The following MUC5AC variants were observed in gnomAD, a reference collection of about 807,000 sequenced individuals.
The protein encoded by MUC5AC is mucin 5AC, oligomeric mucus/gel-forming, also known as mucin-5AC.
A neutral mutation model predicts 169.7 loss-of-function variants in MUC5AC; 158 were observed. The observed-to-expected ratio is 0.93, with a 90% CI of 0.82 to 1.06. The LOEUF (loss-of-function observed/expected upper bound fraction) is 1.06. MUC5AC is among the 50% of genes least tolerant of loss of function. The pLI is 0.00. For missense variants in MUC5AC, 4,359 were observed against 3,089.9 expected (o/e 1.41, Z -9.74); for synonymous variants, 1,975 against 1,237.0 (o/e 1.60, Z -12.52).
At chr11:1,164,930 C>G (rs1315812313) in intron 9 of MUC5AC, among the ~76,000 whole-genome samples, 1 of 114,460 alleles carries the variant, frequency 8.7e-6, no homozygotes, top group Non-Finnish European at 1.7e-5. Context: ...CTGTCCTGAG[C>G]CCCCTGAGGC....
chr11:1,179,339 C>A (rs944849976), intron 26 of MUC5AC, 91 bp downstream of exon 26: 2 of 452,376 alleles, frequency 4.4e-6, no homozygotes, highest in Non-Finnish European at 7.9e-6. Context: ...GTGTGTGGGG[C>A]GGGTGGGGAA....
At chr11:1,162,705 C>T in intron 5 of MUC5AC, 59 bp downstream of exon 5, 2 of 1,488,526 alleles carry the variant, frequency 1.3e-6, no homozygotes, top group Non-Finnish European at 1.9e-6. Context: ...CCGGCCTGCT[C>T]CCACAGCCTC....
In MUC5AC at chr11:1,190,646, C is replaced by G. The variant is rs1325350083; in HGVS notation, c.12501C>G (p.Thr4167=). 1.4e-6 allele frequency: 1 copy of G among 693,982 alleles called. No homozygotes were observed. The highest frequency in any genetic ancestry group is 1.8e-5 in the African/African-American group (1 of 57,034). 43.0% of individuals were successfully genotyped at this position (693,982 alleles called of 1,614,324 possible). Residue 4167 remains threonine (T), a synonymous_variant, in exon 31 of 49, where the codon ACC becomes ACG. Coordinates refer to ENST00000621226, the MANE Select transcript of MUC5AC (RefSeq NM_001304359.2). ...PTTSTTSAPT[T]STNSAPTTST... ...CCAGCACAACCTCTGCTCCAACAACCAGCACAAACTCTGCTCCTACAACCA... is the reference window on the plus strand; with the variant it reads ...CCAGCACAACCTCTGCTCCAACAACGAGCACAAACTCTGCTCCTACAACCA...
Position 1,189,655 on chromosome 11 carries a change from C to T in MUC5AC, c.11510C>T (p.Thr3837Ile). ...PTTSTTSAPT[T>I]STTSAPTTST... ...ACTAGCACAACCTCAGCTCCTACAA[C>T]CAGCACAACTTCTGCCCCTACAACC... Residue 3837 changes from threonine to isoleucine, a missense_variant, in exon 31 of 49, where the codon ACC (threonine) becomes ATC (isoleucine). Coordinates refer to ENST00000621226, the MANE Select transcript of MUC5AC (RefSeq NM_001304359.2). 1 of 630,608 alleles carries T rather than the reference C, an allele frequency of 1.6e-6. No homozygotes were observed. The highest frequency in any genetic ancestry group is 2.8e-6 in the Non-Finnish European group (1 of 353,048). The allele number at this position is 630,608 out of a possible 1,614,324, so 39.1% of individuals were successfully genotyped here. A position where few individuals can be genotyped will look rare whatever the true frequency, so the allele number is the denominator to read the frequency against.
chr11:1,162,816 C>A, intron 5 of MUC5AC, 139 bp from the exon 6 acceptor site: 1 of 1,011,666 alleles, frequency 9.9e-7, no homozygotes, highest in Non-Finnish European at 1.5e-6. Context: ...GTCCCGGGGT[C>A]TGTGCCCCCA....
rs982681901 is a variant in MUC5AC at position 1,194,358 on chromosome 11, G to A, written c.15004G>A (p.Glu5002Lys). The change falls in exon 34 of 49, where the codon GAG (glutamate) becomes AAG (lysine). Residue 5002 changes from glutamate to lysine, a missense_variant and splice_region_variant. Transcript: ENST00000621226. ...RKPVHGVMTN[E>K]IIFNNKVVSP... The stretch of plus-strand genomic sequence containing the variant: ...GCCAGTCCACGGGGTGATGACAAAC[G>A]AGGTGGGGGCGCGCCCGGTGTGCCG... The A allele has an allele frequency of 2.1e-5, 15 of 725,250 alleles. No individual in the cohort carries two copies. Among genetic ancestry groups the A allele is most frequent in the African/African-American group, 8.6e-5 (5 of 58,182 alleles). The allele number at this position is 725,250 out of a possible 1,614,324, so 44.9% of individuals were successfully genotyped here.
intron 24 of MUC5AC, 129 bp downstream of exon 24, chr11:1,177,762 A>T: frequency 8.3e-6 from 3 of 361,034 alleles, no homozygotes; most frequent in African/African-American, 2.1e-5. Flanking sequence ...CGGGGTGGGA[A>T]GTGGGGGGGA....
intron 19 of MUC5AC, 124 bp from the exon 20 acceptor site, chr11:1,176,027 C>A (rs1860677125): frequency 1.5e-5 from 6 of 398,140 alleles, no homozygotes; most frequent in Non-Finnish European, 2.7e-5. Flanking sequence ...TGCACTCACA[C>A]CCACTCATGC....
Position 1,199,293 on chromosome 11 carries a change from G to A in MUC5AC, c.16396-78G>A. ...TCTGGCAGAGGCTGGGGACTCTCTG[G>A]AAGCCCACGGGCTGGGGTGCAGACA... On this transcript the variant is annotated intron_variant, in intron 45 of 48. Transcript: ENST00000621226. 7.2e-6 allele frequency: 5 copies of A among 698,388 alleles called. No homozygotes were observed. In the South Asian group the frequency reaches 7.4e-5, roughly 10 times the overall value. The allele number at this position is 698,388 out of a possible 1,614,324, so 43.3% of individuals were successfully genotyped here.
rs1426738867 is a variant in MUC5AC at position 1,179,105 on chromosome 11, G to A, written c.3341G>A (p.Arg1114Lys). The change falls in exon 26 of 49, where the codon AGG (arginine) becomes AAG (lysine). Residue 1114 changes from arginine to lysine, a missense_variant. Coordinates refer to ENST00000621226, the MANE Select transcript of MUC5AC (RefSeq NM_001304359.2). ...AACHAHVEPA[R>K]YYEACVNDAC... ...CGTCTCCCTCAGGTGGAGCCGGCCA[G>A]GTACTACGAGGCCTGCGTGAACGAC... 1 of 585,866 alleles carries A rather than the reference G, an allele frequency of 1.7e-6. No individual in the cohort carries two copies. The highest frequency in any genetic ancestry group is 3.1e-6 in the Non-Finnish European group (1 of 321,394). The allele number at this position is 585,866 out of a possible 1,614,324, so 36.3% of individuals were successfully genotyped here. A position where few individuals can be genotyped will look rare whatever the true frequency, so the allele number is the denominator to read the frequency against.
chr11:1,163,338 C>A (rs915905647), intron 6 of MUC5AC, among the ~76,000 whole-genome samples: 2 of 152,346 alleles, frequency 1.3e-5, no homozygotes, highest in African/African-American at 4.8e-5. Context: ...CTGCCTCCTT[C>A]TTGGTCTTTG....
In MUC5AC at chr11:1,201,072, T is replaced by TAG. The variant is rs1160710841; in HGVS notation, c.*370_*371insAG. 9.7e-6 allele frequency: 2 copies of TAG among 205,750 alleles called. No individual in the cohort carries two copies. Among genetic ancestry groups the TAG allele is most frequent in the Non-Finnish European group, 1.9e-5 (2 of 102,864 alleles). The allele number at this position is 205,750 out of a possible 1,614,324, so 12.7% of individuals were successfully genotyped here. ...AAGAACCTCACTCCTACCTCAGCCC[T>TAG]CAGCCTGCGCTCCCCTCCTCAGTAC... On this transcript the variant is annotated 3_prime_UTR_variant, in exon 49 of 49. Coordinates refer to ENST00000621226, the MANE Select transcript of MUC5AC (RefSeq NM_001304359.2).
intron 46 of MUC5AC, 67 bp downstream of exon 46, chr11:1,199,557 A>G (rs1290297871): frequency 2.9e-6 from 2 of 697,314 alleles, no homozygotes; most frequent in Non-Finnish European, 5.2e-6. Flanking sequence ...GGGGGCTGTG[A>G]TCATCCCTGC....
Position 1,164,537 on chromosome 11 carries a change from G to A in MUC5AC, c.1129+5G>A. ...CCGGCTGCTTCTGCCCTGAGGGTGAGGCTCCCCCGCCCCTGGGAAACACAG... is the reference window on the plus strand; with the variant it reads ...CCGGCTGCTTCTGCCCTGAGGGTGAAGCTCCCCCGCCCCTGGGAAACACAG... On this transcript the variant is annotated splice_donor_5th_base_variant and intron_variant, in intron 9 of 48. Transcript: ENST00000621226. 2.5e-6 allele frequency: 4 copies of A among 1,604,126 alleles called. No individual in the cohort carries two copies. The highest frequency in any genetic ancestry group is 3.4e-6 in the Non-Finnish European group (4 of 1,175,922).
chr11:1,200,108 G>C (rs1262683973), intron 48 of MUC5AC, 139 bp downstream of exon 48: 1 of 610,570 alleles, frequency 1.6e-6, no homozygotes, highest in African/African-American at 1.9e-5. Flanking sequence ...AGGCGGGAAA[G>C]GGGTCCTGAG....
chr11:1,198,932 G>GC lies in MUC5AC; in HGVS notation c.16238dup (p.Ser5414IlefsTer9), dbSNP rs1479326177. 5 of 761,854 alleles carry GC rather than the reference G, an allele frequency of 6.6e-6. No individual in the cohort carries two copies. The highest frequency in any genetic ancestry group is 1.2e-5 in the Non-Finnish European group (5 of 416,714). 47.2% of individuals were successfully genotyped at this position (761,854 alleles called of 1,614,324 possible). A position where few individuals can be genotyped will look rare whatever the true frequency, so the allele number is the denominator to read the frequency against. On this transcript the variant is annotated frameshift_variant, in exon 44 of 49. Transcript: ENST00000621226. LOFTEE classifies it high-confidence loss of function. ...ACCTGCAGGTGTGAGCTGCCGGGTG[G>GC]CCCCCCATCGGACGCGTTTGTGGTC...
In MUC5AC at chr11:1,181,477, G is replaced by A. The variant is rs1416100025; in HGVS notation, c.4009+18G>A. 7.9e-5 allele frequency: 22 copies of A among 279,968 alleles called. No individual in the cohort carries two copies. The highest frequency in any genetic ancestry group is 2.6e-4 in the Admixed American group (3 of 11,414). The allele number at this position is 279,968 out of a possible 1,614,324, so 17.3% of individuals were successfully genotyped here. On this transcript the variant is annotated intron_variant, in intron 30 of 48. Transcript: ENST00000621226. ...CCCGCTTGGTAAGGCAAATGTGGCC[G>A]AGGAGCCCCAGGGTGAGCCCCCTCC...
rs772892971 is a variant in MUC5AC at position 1,195,000 on chromosome 11, G to A, written c.15191-12G>A. On this transcript the variant is annotated splice_polypyrimidine_tract_variant and intron_variant, in intron 35 of 48. Transcript: ENST00000621226. Reference sequence around the variant, plus strand: ...GCTGTCCAGCAGCCTGACCCCCACCGCGTCTGCCCAGGCACTTGCACCAAC... The same window carrying A: ...GCTGTCCAGCAGCCTGACCCCCACCACGTCTGCCCAGGCACTTGCACCAAC... 8 of 719,770 alleles carry A rather than the reference G, an allele frequency of 1.1e-5. No individual in the cohort carries two copies. The highest frequency in any genetic ancestry group is 4.3e-5 in the South Asian group (3 of 69,344). The allele number at this position is 719,770 out of a possible 1,614,324, so 44.6% of individuals were successfully genotyped here.
chr11:1,182,653 C>T lies in MUC5AC; in HGVS notation c.4508C>T (p.Ala1503Val). 1 of 399,356 alleles carries T rather than the reference C, an allele frequency of 2.5e-6. No individual in the cohort carries two copies. Among genetic ancestry groups the T allele is most frequent in the Non-Finnish European group, 4.4e-6 (1 of 226,680 alleles). The allele number at this position is 399,356 out of a possible 1,614,324, so 24.7% of individuals were successfully genotyped here. Residue 1503 changes from alanine to valine, a missense_variant, in exon 31 of 49, where the codon GCC (alanine) becomes GTC (valine). By Grantham distance (64) the Ala-to-Val change is moderately conservative (BLOSUM62 0). Coordinates refer to ENST00000621226, the MANE Select transcript of MUC5AC (RefSeq NM_001304359.2). The part of the protein sequence containing the change: ...PTTSKTTETR[A>V]SGSSAPSSTP... ...ACCTCCAAGACCACTGAAACCCGGGCCTCAGGCTCCTCAGCTCCCAGCAGC... is the reference window on the plus strand; with the variant it reads ...ACCTCCAAGACCACTGAAACCCGGGTCTCAGGCTCCTCAGCTCCCAGCAGC...
Sources: allele counts gnomAD v4.1 joint callset (sites outside exome capture counted in the v4.1 genomes callset), GRCh38; gene constraint gnomAD v4.1.1; transcripts MANE v1.5; gene names NCBI Gene and HGNC (gene_info 2026-07-23, HGNC 2026-07-21).